COL21A1: variants seen among roughly 807,000 people sequenced by gnomAD.
The protein encoded by COL21A1 is collagen type XXI alpha 1 chain.
In COL21A1, 149 loss-of-function variants were observed where a neutral mutation model predicts 137.9. That is an observed-to-expected ratio of 1.08 (90% CI 0.95 to 1.24). COL21A1 has a LOEUF of 1.24. Among genes scored for constraint, COL21A1 ranks in the 50% most tolerant of loss-of-function variants. The pLI, the probability that COL21A1 is intolerant of heterozygous loss-of-function variation, is 0.00. For synonymous variants in COL21A1, 456 were observed against 391.5 expected, an observed-to-expected ratio of 1.16 and a Z score of -1.95; for missense variants, 1,167 against 1,158.4, an observed-to-expected ratio of 1.01 and a Z score of -0.11.
At chr6:56,238,309 T>C (rs1052369195) in intron 1 of COL21A1, among the ~76,000 whole-genome samples, 2 of 151,406 alleles carry the variant, frequency 1.3e-5, no homozygotes, top group Non-Finnish European at 2.9e-5. Flanking sequence ...AAAGGCTGAA[T>C]AAATATTTGT....
At position 56,105,147 on chromosome 6, in the gene COL21A1, G is replaced by T. The variant is rs565567481; in HGVS notation, c.1759-3622C>A. Among the ~76,000 whole-genome samples, 10 of 152,274 alleles carry T rather than the reference G, an allele frequency of 6.6e-5. No homozygotes were observed. In the South Asian group the frequency reaches 2.1e-3, roughly 32 times the overall value. ...TTTGGAAGGTATCATGCACATCAGTGAGCATACGAACTAGACCTGGAACCC... is the reference window on the plus strand; with the variant it reads ...TTTGGAAGGTATCATGCACATCAGTTAGCATACGAACTAGACCTGGAACCC... On this transcript the variant is annotated intron_variant, in intron 16 of 29. Transcript: ENST00000244728.
At chr6:56,183,601 A>T (rs1325564383) in intron 1 of COL21A1, among the ~76,000 whole-genome samples, 1 of 152,134 alleles carries the variant, frequency 6.6e-6, no homozygotes, top group Non-Finnish European at 1.5e-5. Context: ...GCCTAGAGAG[A>T]GTCTGTCCCT....
chr6:56,352,853 C>T (rs1227432859), intron 1 of COL21A1, among the ~76,000 whole-genome samples: 1 of 152,028 alleles, frequency 6.6e-6, no homozygotes. Context: ...CAGCCTGGGC[C>T]AACATGGCAA....
intron 1 of COL21A1, among the ~76,000 whole-genome samples, chr6:56,358,196 G>A (rs1159936387): frequency 6.6e-6 from 1 of 152,068 alleles, no homozygotes; most frequent in East Asian, 1.9e-4. Flanking sequence ...GCAATATAGA[G>A]AAGGCCAAGT....
At chr6:56,238,241 G>C (rs565414013) in intron 1 of COL21A1, among the ~76,000 whole-genome samples, 12 of 151,870 alleles carry the variant, frequency 7.9e-5, no homozygotes, top group Non-Finnish European at 1.8e-4. Context: ...GAGTGCTCCA[G>C]GACAGGAATC....
chr6:56,224,743 A>G (rs1781083405), intron 1 of COL21A1, among the ~76,000 whole-genome samples: 1 of 152,112 alleles, frequency 6.6e-6, no homozygotes. Flanking sequence ...GAAAAAGCAC[A>G]TCAATATGGG....
At chr6:56,110,143 T>C (rs187209246) in intron 16 of COL21A1, among the ~76,000 whole-genome samples, 126 of 152,060 alleles carry the variant, frequency 8.3e-4, no homozygotes, top group Admixed American at 2.6e-3. Flanking sequence ...AGATAACCAA[T>C]TGTGGTTTAT....
chr6:56,384,670 T>C (rs867732612), intron 1 of COL21A1, among the ~76,000 whole-genome samples: 2 of 152,182 alleles, frequency 1.3e-5, no homozygotes, highest in African/African-American at 2.4e-5. Context: ...TATCTGATAA[T>C]ATTACAGGGC....
intron 1 of COL21A1, among the ~76,000 whole-genome samples, chr6:56,229,389 A>AT (rs1781407318): frequency 6.6e-6 from 1 of 151,960 alleles, no homozygotes; most frequent in Non-Finnish European, 1.5e-5. Context: ...AATATGCATT[A>AT]TTTTAAAATC....
chr6:56,236,059 G>A (rs1311962289), intron 1 of COL21A1, among the ~76,000 whole-genome samples: 1 of 151,962 alleles, frequency 6.6e-6, no homozygotes, highest in Non-Finnish European at 1.5e-5. Flanking sequence ...ATTGAGGAAA[G>A]AATACGGCTA....
intron 1 of COL21A1, among the ~76,000 whole-genome samples, chr6:56,268,056 G>C (rs969573068): frequency 2.0e-5 from 3 of 152,144 alleles, no homozygotes; most frequent in African/African-American, 7.2e-5. Context: ...TGGAACCAGA[G>C]GCCGTTCCCA....
At chr6:56,145,981 C>A (rs1172456011) in intron 10 of COL21A1, among the ~76,000 whole-genome samples, 2 of 151,900 alleles carry the variant, frequency 1.3e-5, no homozygotes, top group African/African-American at 4.8e-5. Context: ...ATATGTATAG[C>A]ATTGAAATGG....
chr6:56,344,321 T>C (rs946472157), intron 1 of COL21A1, among the ~76,000 whole-genome samples: 1 of 152,162 alleles, frequency 6.6e-6, no homozygotes, highest in Admixed American at 6.5e-5. Context: ...TCCAAAAGAA[T>C]TGCAGTTGTC....
At chr6:56,064,696 G>A in intron 23 of COL21A1, 74 bp from the exon 24 acceptor site, 1 of 880,866 alleles carries the variant, frequency 1.1e-6, no homozygotes, top group Non-Finnish European at 1.7e-6. Context: ...TACAAACTAT[G>A]TATTACCTTG....
At chr6:56,258,584 C>T (rs1008862987) in intron 1 of COL21A1, among the ~76,000 whole-genome samples, 3 of 152,140 alleles carry the variant, frequency 2.0e-5, no homozygotes, top group African/African-American at 7.2e-5. Context: ...ACTTTAAGTG[C>T]TCACCAGTCA....
In COL21A1 at chr6:56,056,719, C is replaced by A. The variant is rs1582198286; in HGVS notation, c.*938G>T. ...TTAAGCACAATACACAAAGACTGTT[C>A]ATAATATTTTACAGTCAGCTAAAAA... is the stretch of plus-strand genomic sequence containing the variant. On this transcript the variant is annotated 3_prime_UTR_variant, in exon 30 of 30. Coordinates refer to ENST00000244728, the MANE Select transcript of COL21A1 (RefSeq NM_030820.4). The A allele has an allele frequency of 6.6e-6, 1 of 152,268 alleles. No homozygotes were observed. Among genetic ancestry groups the A allele is most frequent in the East Asian group, 1.9e-4 (1 of 5,182 alleles). The allele number at this position is 152,268 out of a possible 1,614,324, so 9.4% of individuals were successfully genotyped here.
intron 20 of COL21A1, 131 bp downstream of exon 20, chr6:56,074,101 G>A (rs1766997771): frequency 1.7e-6 from 1 of 582,164 alleles, no homozygotes; most frequent in Admixed American, 3.7e-5. Flanking sequence ...ATTCTTACAA[G>A]TGATTTTTTT....
rs1302871640 is a variant in COL21A1 at position 56,141,923 on chromosome 6, C to T, written c.1488+7G>A. 7 of 1,555,742 alleles carry T rather than the reference C, an allele frequency of 4.5e-6. No homozygotes were observed. The highest frequency in any genetic ancestry group is 2.7e-5 in the African/African-American group (2 of 72,940). Reference sequence around the variant, plus strand: ...ATTTATAAAATGTATATAAGTGGATCACATACTTGTATTCCTGGAGATCCT... The same window carrying T: ...ATTTATAAAATGTATATAAGTGGATTACATACTTGTATTCCTGGAGATCCT... On this transcript the variant is annotated splice_region_variant and intron_variant, in intron 11 of 29. Transcript: ENST00000244728.
At chr6:56,389,146 G>A (rs1350761982) in intron 1 of COL21A1, among the ~76,000 whole-genome samples, 1 of 152,104 alleles carries the variant, frequency 6.6e-6, no homozygotes, top group Non-Finnish European at 1.5e-5. Flanking sequence ...TGGATCATCT[G>A]AGGTCAGGAG....
Sources: allele counts gnomAD v4.1 joint callset (sites outside exome capture counted in the v4.1 genomes callset), GRCh38; gene constraint gnomAD v4.1.1; transcripts MANE v1.5; gene names NCBI Gene and HGNC (gene_info 2026-07-23, HGNC 2026-07-21).